The following KRT14 variants were observed in gnomAD, a reference collection of about 807,000 sequenced individuals.
KRT14 encodes keratin, type I cytoskeletal 14.
In KRT14, 30 loss-of-function variants were observed where a neutral mutation model predicts 44.5. The observed-to-expected ratio is 0.67, with a 90% CI of 0.50 to 0.92. KRT14 has a LOEUF of 0.92. KRT14 is among the 40% of genes least tolerant of loss of function. KRT14 has a pLI of 0.00. For missense variants in KRT14, 535 were observed against 640.6 expected, an observed-to-expected ratio of 0.84 and a Z score of 1.78; for synonymous variants, 241 against 257.6, an observed-to-expected ratio of 0.94 and a Z score of 0.62.
chr17:41,582,320 G>C lies in KRT14; in HGVS notation c.*115C>G, dbSNP rs1273273785. The C allele has an allele frequency of 2.9e-5, 21 of 732,452 alleles. No individual in the cohort carries two copies. The highest frequency in any genetic ancestry group is 1.9e-4 in the East Asian group (7 of 36,858). 45.4% of individuals were successfully genotyped at this position (732,452 alleles called of 1,614,324 possible). A position where few individuals can be genotyped will look rare whatever the true frequency, so the allele number is the denominator to read the frequency against. On this transcript the variant is annotated 3_prime_UTR_variant, in exon 8 of 8. Transcript: ENST00000167586. ...ATGAAGCTGTATTGATTGCCAGGAG[G>C]GGGTGAGGGTGAAGCAGGGTCCAGC... is the stretch of plus-strand genomic sequence containing the variant.
At position 41,583,301 on chromosome 17, in the gene KRT14, T is replaced by C. The variant is rs771382097; in HGVS notation, c.1208A>G (p.Asp403Gly). 15 of 1,613,668 alleles carry C rather than the reference T, an allele frequency of 9.3e-6. No homozygotes were observed. The highest frequency in any genetic ancestry group is 1.3e-5 in the Non-Finnish European group (15 of 1,179,978). Residue 403 changes from aspartate to glycine, a missense_variant, in exon 6 of 8, where the codon GAC (aspartate) becomes GGC (glycine). Physicochemically the swap from Asp to Gly is moderately conservative, Grantham distance 94. Coordinates refer to ENST00000167586, the MANE Select transcript of KRT14 (RefSeq NM_000526.5). ...QQNQEYKILL[D>G]VKTRLEQEIA... is the part of the protein sequence containing the mutation. ...CTCCTGCTCCAGCCGCGTCTTCACG[T>C]CCAGCAGGATCTTGTACTCCTGGTT... is the stretch of plus-strand genomic sequence containing the variant.
At position 41,583,553 on chromosome 17, in the gene KRT14, T is replaced by C. The variant is rs745649775; in HGVS notation, c.1051A>G (p.Met351Val). Residue 351 changes from methionine (M) to valine (V), a missense_variant and splice_region_variant, in exon 5 of 8, where the codon ATG becomes GTG. Physicochemically the swap from Met to Val is conservative, Grantham distance 21. Coordinates refer to ENST00000167586, the MANE Select transcript of KRT14 (RefSeq NM_000526.5). Reference protein sequence around the residue: ...LEIELQSQLSMKASLENSLEE... With the variant: ...LEIELQSQLSVKASLENSLEE... ...ACCCTTCCTGGCACTATTCCTACCA[T>C]GCTGAGCTGGGACTGCAGCTCAATC... 43 of 1,614,074 alleles carry C rather than the reference T, an allele frequency of 2.7e-5. No homozygotes were observed. The highest frequency in any genetic ancestry group is 3.5e-5 in the Non-Finnish European group (41 of 1,180,032).
chr17:41,583,160 C>T lies in KRT14; in HGVS notation c.1275-20G>A, dbSNP rs1412460471. 1 of 1,612,984 alleles carries T rather than the reference C, an allele frequency of 6.2e-7. No individual in the cohort carries two copies. Among genetic ancestry groups the T allele is most frequent in the South Asian group, 1.1e-5 (1 of 91,058 alleles). ...GAGAGGCTGTGAAAATAGAAAAGGA[C>T]AGGATCATTAGATACATGGTGGGGC... On this transcript the variant is annotated intron_variant, in intron 6 of 7. Coordinates refer to ENST00000167586, the MANE Select transcript of KRT14 (RefSeq NM_000526.5).
At position 41,584,374 on chromosome 17, in the gene KRT14, G is replaced by T. The variant is rs116375751; in HGVS notation, c.648C>A (p.Ala216=). 7 of 1,613,862 alleles carry T rather than the reference G, an allele frequency of 4.3e-6. No homozygotes were observed. Among genetic ancestry groups the T allele is most frequent in the Admixed American group, 1.7e-5 (1 of 59,974 alleles). ...TELNLRMSVE[A]DINGLRRVLD... ...GCACCCTGCGCAGGCCATTGATGTC[G>T]GCTTCCACACTCATGCGCAGGTTCA... The change falls in exon 3 of 8, where the codon GCC becomes GCA. Residue 216 remains alanine, a synonymous_variant. Coordinates refer to ENST00000167586, the MANE Select transcript of KRT14 (RefSeq NM_000526.5).
In KRT14 at chr17:41,583,158, G is replaced by A. The variant is rs1334460772; in HGVS notation, c.1275-18C>T. 12 of 1,612,346 alleles carry A rather than the reference G, an allele frequency of 7.4e-6. No homozygotes were observed. Among genetic ancestry groups the A allele is most frequent in the African/African-American group, 4.0e-5 (3 of 74,704 alleles). On this transcript the variant is annotated intron_variant, in intron 6 of 7. Transcript: ENST00000167586. ...AGGAGAGGCTGTGAAAATAGAAAAG[G>A]ACAGGATCATTAGATACATGGTGGG...
chr17:41,583,206 G>T (rs2070671), intron 6 of KRT14, 29 bp downstream of exon 6: 14 of 1,612,936 alleles, frequency 8.7e-6, no homozygotes, highest in African/African-American at 2.7e-5. Context: ...CCATGGGGGG[G>T]GCGGACTAAG....
In KRT14 at chr17:41,586,372, G is replaced by T; in HGVS notation, c.463C>A (p.Arg155=). The change falls in exon 1 of 8, where the codon CGG becomes AGG. Residue 155 remains arginine, a synonymous_variant. Transcript: ENST00000167586. ...VKIRDWYQRQ[R]PAEIKDYSPY... ...CTGTAGTCTTTGATCTCAGCAGGCC[G>T]CTGCCTCTGGTACCAGTCACGGATC... The T allele has an allele frequency of 1.2e-6, 2 of 1,613,366 alleles. No homozygotes were observed. The highest frequency in any genetic ancestry group is 1.7e-6 in the Non-Finnish European group (2 of 1,180,014).
At position 41,583,289 on chromosome 17, in the gene KRT14, C is replaced by T. The variant is rs767154712; in HGVS notation, c.1220G>A (p.Arg407Gln). 6 of 1,613,602 alleles carry T rather than the reference C, an allele frequency of 3.7e-6. No individual in the cohort carries two copies. Among genetic ancestry groups the T allele is most frequent in the South Asian group, 2.2e-5 (2 of 91,068 alleles). The change falls in exon 6 of 8, where the codon CGG becomes CAG. Residue 407 changes from arginine (R) to glutamine (Q), a missense_variant. Coordinates refer to ENST00000167586, the MANE Select transcript of KRT14 (RefSeq NM_000526.5). The stretch of plus-strand genomic sequence containing the variant: ...GTAGGTGGCGATCTCCTGCTCCAGC[C>T]GCGTCTTCACGTCCAGCAGGATCTT... ...EYKILLDVKT[R>Q]LEQEIATYRR...
rs563641073 is a variant in KRT14, at chr17:41,583,372, G to C, written c.1137C>G (p.Ser379Arg). 6.2e-7 allele frequency: 1 copy of C among 1,613,710 alleles called. No homozygotes were observed. The highest frequency in any genetic ancestry group is 1.7e-5 in the Admixed American group (1 of 60,020). Residue 379 changes from serine (S) to arginine (R), a missense_variant, in exon 6 of 8, where the codon AGC becomes AGG. Coordinates refer to ENST00000167586, the MANE Select transcript of KRT14 (RefSeq NM_000526.5). ...GGAGCTGGGCCAGCTGCTCCTCCAC[G>C]CTGCCAATCATCTCCTGGATCTGGG... The part of the protein sequence containing the change: ...QLAQIQEMIG[S>R]VEEQLAQLRC...
chr17:41,583,951 G>A, intron 3 of KRT14, 30 bp from the exon 4 acceptor site: 1 of 1,613,570 alleles, frequency 6.2e-7, no homozygotes, highest in East Asian at 2.2e-5. Context: ...CCACAGTCAG[G>A]AGTTCCACCA....
rs897428 is a variant in KRT14 at position 41,583,159 on chromosome 17, A to G, written c.1275-19T>C. 7.8e-3 allele frequency: 12,563 copies of G among 1,611,632 alleles called. 764 individuals are homozygous for G. In the African/African-American group the frequency reaches 0.14, roughly 18 times the overall value. ...GGAGAGGCTGTGAAAATAGAAAAGG[A>G]CAGGATCATTAGATACATGGTGGGG... On this transcript the variant is annotated intron_variant, in intron 6 of 7. Transcript: ENST00000167586.
chr17:41,583,972 T>C lies in KRT14; in HGVS notation c.766-51A>G, dbSNP rs117126523. The C allele has an allele frequency of 2.0e-3, 3,166 of 1,606,078 alleles. 67 individuals carry two copies. In the East Asian group the frequency reaches 0.042, roughly 21 times the overall value. On this transcript the variant is annotated intron_variant, in intron 3 of 7. Transcript: ENST00000167586. ...TCAGGAGTTCCACCATGGCAGCGGATTGGTGTTCCTTAGGCCTGAATACTG... is the reference window on the plus strand; with the variant it reads ...TCAGGAGTTCCACCATGGCAGCGGACTGGTGTTCCTTAGGCCTGAATACTG...
chr17:41,586,361 C>A lies in KRT14; in HGVS notation c.474G>T (p.Glu158Asp), dbSNP rs753464942. The A allele has an allele frequency of 1.4e-5, 22 of 1,613,196 alleles. No individual in the cohort carries two copies. The highest frequency in any genetic ancestry group is 1.9e-5 in the Non-Finnish European group (22 of 1,180,026). The change falls in exon 1 of 8, where the codon GAG (glutamate) becomes GAT (aspartate). Residue 158 changes from glutamate (E) to aspartate (D), a missense_variant. By Grantham distance (45) the Glu-to-Asp change is conservative. Transcript: ENST00000167586. ...TGAAGTAGGGACTGTAGTCTTTGAT[C>A]TCAGCAGGCCGCTGCCTCTGGTACC... ...RDWYQRQRPA[E>D]IKDYSPYFKT...
intron 3 of KRT14, 135 bp downstream of exon 3, chr17:41,584,122 C>A: frequency 2.4e-6 from 2 of 819,988 alleles, no homozygotes; most frequent in East Asian, 3.4e-5. Context: ...CCTTGTTGCC[C>A]AGGCTGGACT....
In KRT14 at chr17:41,582,298, A is replaced by T; in HGVS notation, c.*137T>A. ...CGAGAATTATGCAACTCAGATAATG[A>T]AGCTGTATTGATTGCCAGGAGGGGG... On this transcript the variant is annotated 3_prime_UTR_variant, in exon 8 of 8. Transcript: ENST00000167586. 1.5e-6 allele frequency: 1 copy of T among 667,124 alleles called. No homozygotes were observed. The highest frequency in any genetic ancestry group is 2.7e-6 in the Non-Finnish European group (1 of 369,848). The allele number at this position is 667,124 out of a possible 1,614,324, so 41.3% of individuals were successfully genotyped here. A position where few individuals can be genotyped will look rare whatever the true frequency, so the allele number is the denominator to read the frequency against.
chr17:41,583,033 G>C (rs1907383689), intron 7 of KRT14, 61 bp downstream of exon 7: 1 of 1,523,196 alleles, frequency 6.6e-7, no homozygotes, highest in Non-Finnish European at 9.1e-7. Context: ...CCAATGCCTA[G>C]ACCTGCTTGG....
intron 2 of KRT14, among the ~76,000 whole-genome samples, chr17:41,584,751 G>A (rs534499011): frequency 5.3e-5 from 8 of 152,284 alleles, no homozygotes; most frequent in South Asian, 2.1e-4. Flanking sequence ...CTAAAGCAGC[G>A]GTTCTGAAAC....
rs528259337 is a variant in KRT14 at position 41,584,548 on chromosome 17, G to T, written c.609-135C>A. On this transcript the variant is annotated intron_variant, in intron 2 of 7. Coordinates refer to ENST00000167586, the MANE Select transcript of KRT14 (RefSeq NM_000526.5). ...AAGGAGCCAATCTTGAAAATGGCGT[G>T]GTTGAACACAGTGCCCATTGATTGC... 67 of 903,536 alleles carry T rather than the reference G, an allele frequency of 7.4e-5. No individual in the cohort carries two copies. In the African/African-American group the frequency reaches 1.0e-3, roughly 14 times the overall value. 56.0% of individuals were successfully genotyped at this position (903,536 alleles called of 1,614,324 possible). A position where few individuals can be genotyped will look rare whatever the true frequency, so the allele number is the denominator to read the frequency against.
chr17:41,584,250 T>C lies in KRT14; in HGVS notation c.765+7A>G, dbSNP rs1363911896. The stretch of plus-strand genomic sequence containing the variant: ...CTTTTAAGCTGACTTTTCCATATAG[T>C]TCTCACCTCCTCGTGGTTCTTCTTC... On this transcript the variant is annotated splice_region_variant and intron_variant, in intron 3 of 7. Transcript: ENST00000167586. 1.2e-6 allele frequency: 2 copies of C among 1,613,736 alleles called. No individual in the cohort carries two copies. The highest frequency in any genetic ancestry group is 4.5e-5 in the East Asian group (2 of 44,862).
Sources: allele counts gnomAD v4.1 joint callset (sites outside exome capture counted in the v4.1 genomes callset), GRCh38; gene constraint gnomAD v4.1.1; transcripts MANE v1.5; gene names NCBI Gene and HGNC (gene_info 2026-07-23, HGNC 2026-07-21).